Variants in PPTC7 observed in about 807,000 individuals in gnomAD.
PPTC7 encodes protein phosphatase targeting COQ7.
Under a neutral mutation model 30.8 loss-of-function variants are expected in PPTC7, and 6 were observed. The observed-to-expected ratio is 0.19, with a 90% CI of 0.11 to 0.38. The LOEUF is 0.38. PPTC7 is among the 10% of genes least tolerant of loss of function. The pLI, the probability that PPTC7 is intolerant of heterozygous loss-of-function variation, is 1.00. For synonymous variants in PPTC7, 163 were observed against 168.1 expected, an observed-to-expected ratio of 0.97 and a Z score of 0.23; for missense variants, 218 against 404.8, an observed-to-expected ratio of 0.54 and a Z score of 3.96.
intron 1 of PPTC7, among the ~76,000 whole-genome samples, chr12:110,563,687 C>T (rs1056954447): frequency 2.0e-5 from 3 of 151,788 alleles, no homozygotes; most frequent in Admixed American, 6.6e-5. Flanking sequence ...CTGTAGTAAG[C>T]GGTTCATTTT....
At chr12:110,543,491 CT>C (rs1176398811) in intron 3 of PPTC7, among the ~76,000 whole-genome samples, 12 of 151,620 alleles carry the variant, frequency 7.9e-5, no homozygotes, top group Admixed American at 1.3e-4. Context: ...TCAATTCTTT[CT>C]GTGGAATAAA....
chr12:110,582,687 G>A (rs1207042426), intron 1 of PPTC7, 122 bp downstream of exon 1: 4 of 804,198 alleles, frequency 5.0e-6, no homozygotes, highest in Non-Finnish European at 7.5e-6. Flanking sequence ...CATAGTAAGC[G>A]CTCCCTCCAT....
At chr12:110,553,344 A>G (rs957307871) in intron 1 of PPTC7, among the ~76,000 whole-genome samples, 1 of 151,656 alleles carries the variant, frequency 6.6e-6, no homozygotes, top group Non-Finnish European at 1.5e-5. Context: ...GAAGGGGTTC[A>G]CCGTGTTAGC....
In PPTC7 at chr12:110,582,972, C is replaced by A. The variant is rs1309188446; in HGVS notation, c.60G>T (p.Ser20=). ...LVARAVLGGL[S]QTDPRAGGGG... is the part of the protein sequence containing the mutation. ...CGCCGCCGGCCCTGGGGTCGGTCTG[C>A]GAGAGGCCGCCGAGCACGGCGCGGG... Residue 20 remains serine (S), a synonymous_variant, in exon 1 of 6, where the codon TCG becomes TCT. Coordinates refer to ENST00000354300, the MANE Select transcript of PPTC7 (RefSeq NM_139283.2). 8 of 1,530,080 alleles carry A rather than the reference C, an allele frequency of 5.2e-6. No homozygotes were observed. The highest frequency in any genetic ancestry group is 5.0e-5 in the East Asian group (2 of 39,866). 94.8% of individuals were successfully genotyped at this position (1,530,080 alleles called of 1,614,324 possible). A position where few individuals can be genotyped will look rare whatever the true frequency, so the allele number is the denominator to read the frequency against.
chr12:110,562,286 C>CAAAAAAAAAAAAAAAAAAAAA (rs11319526), intron 1 of PPTC7, among the ~76,000 whole-genome samples: 1 of 34,726 alleles, frequency 2.9e-5, no homozygotes, highest in Non-Finnish European at 4.7e-5. Context: ...GACTCCATCT[C>CAAAAAAAAAAAAAAAAAAAAA]AAAAAAAAAA....
At chr12:110,570,225 A>G (rs573768501) in intron 1 of PPTC7, among the ~76,000 whole-genome samples, 90 of 145,622 alleles carry the variant, frequency 6.2e-4, no homozygotes, top group South Asian at 2.3e-3. Flanking sequence ...TGAATGGATT[A>G]AGGGCGGTGC....
chr12:110,577,692 T>C (rs1351625674), intron 1 of PPTC7, among the ~76,000 whole-genome samples: 1 of 144,930 alleles, frequency 6.9e-6, no homozygotes, highest in Non-Finnish European at 1.5e-5. Flanking sequence ...ATGAAATTAT[T>C]TTAATTTCAC....
rs1353229953 is a variant in PPTC7 at position 110,533,678 on chromosome 12, T to C, written c.*3359A>G. Reference sequence around the variant, plus strand: ...TGAATGCTGTAGCTTCTACCAAAGATAGCTGGTATTAAGGTGACCTAAAGA... The same window carrying C: ...TGAATGCTGTAGCTTCTACCAAAGACAGCTGGTATTAAGGTGACCTAAAGA... On this transcript the variant is annotated 3_prime_UTR_variant, in exon 6 of 6. Coordinates refer to ENST00000354300, the MANE Select transcript of PPTC7 (RefSeq NM_139283.2). 3 of 152,244 alleles carry C rather than the reference T, an allele frequency of 2.0e-5. No individual in the cohort carries two copies. The highest frequency in any genetic ancestry group is 6.5e-5 in the Admixed American group (1 of 15,284). 9.4% of individuals were successfully genotyped at this position (152,244 alleles called of 1,614,324 possible). A position where few individuals can be genotyped will look rare whatever the true frequency, so the allele number is the denominator to read the frequency against.
At chr12:110,559,202 A>AT (rs989935471) in intron 1 of PPTC7, among the ~76,000 whole-genome samples, 2 of 151,292 alleles carry the variant, frequency 1.3e-5, no homozygotes, top group Admixed American at 6.6e-5. Flanking sequence ...TTTTTTAAAA[A>AT]TTTTTTTTGT....
At chr12:110,538,038 G>T in intron 5 of PPTC7, 106 bp downstream of exon 5, 1 of 1,225,122 alleles carries the variant, frequency 8.2e-7, no homozygotes, top group Non-Finnish European at 1.1e-6. Context: ...ACAGTTTGGG[G>T]GCTGGGAGAG....
chr12:110,565,512 C>A (rs945443001), intron 1 of PPTC7, among the ~76,000 whole-genome samples: 1 of 152,200 alleles, frequency 6.6e-6, no homozygotes, highest in Non-Finnish European at 1.5e-5. Context: ...GCCTTGGCCT[C>A]CCAAAGTGCT....
intron 1 of PPTC7, among the ~76,000 whole-genome samples, chr12:110,560,617 T>C (rs188437273): frequency 6.6e-6 from 1 of 152,296 alleles, no homozygotes; most frequent in African/African-American, 2.4e-5. Context: ...CCCCTCCTAC[T>C]GCACTCATCT....
chr12:110,565,832 A>G lies in PPTC7; in HGVS notation c.224-13864T>C, dbSNP rs1391238248. ...TTAGGGAGATTCAAGATATATGACT[A>G]TAATAAAGTAAAATATGCACCAATA... On this transcript the variant is annotated intron_variant, in intron 1 of 5. Coordinates refer to ENST00000354300, the MANE Select transcript of PPTC7 (RefSeq NM_139283.2). 3.9e-5 allele frequency among the ~76,000 whole-genome samples: 6 copies of G among 152,338 alleles called. No individual in the cohort carries two copies. The East Asian group carries it at 1.2e-3, about 29-fold the overall frequency.
intron 2 of PPTC7, among the ~76,000 whole-genome samples, chr12:110,547,815 G>A (rs1211099225): frequency 6.6e-6 from 1 of 152,112 alleles, no homozygotes; most frequent in African/African-American, 2.4e-5. Flanking sequence ...CTAACAAAAT[G>A]GAGAATAGTT....
At chr12:110,565,848 T>C (rs2064478911) in intron 1 of PPTC7, among the ~76,000 whole-genome samples, 1 of 152,068 alleles carries the variant, frequency 6.6e-6, no homozygotes, top group South Asian at 2.1e-4. Context: ...AAGTAAAATA[T>C]GCACCAATAA....
rs1051410680 is a variant in PPTC7 at position 110,583,031 on chromosome 12, TCGC to T, written c.-3_-1del. 4 of 1,393,834 alleles carry T rather than the reference TCGC, an allele frequency of 2.9e-6. No individual in the cohort carries two copies. In the African/African-American group the frequency reaches 4.7e-5, roughly 16 times the overall value. The allele number at this position is 1,393,834 out of a possible 1,614,324, so 86.3% of individuals were successfully genotyped here. A position where few individuals can be genotyped will look rare whatever the true frequency, so the allele number is the denominator to read the frequency against. Reference sequence around the variant, plus strand: ...CGCCCGTACGAGAGGACCGAGAACATCGCCGCCGCCGCCCCCCCGAGGAGGCGG... The same window carrying T: ...CGCCCGTACGAGAGGACCGAGAACATCGCCGCCGCCCCCCCGAGGAGGCGG... On this transcript the variant is annotated 5_prime_UTR_variant, in exon 1 of 6. Transcript: ENST00000354300.
chr12:110,546,191 A>C (rs1001210474), intron 2 of PPTC7, 113 bp from the exon 3 acceptor site: 1 of 795,984 alleles, frequency 1.3e-6, no homozygotes, highest in African/African-American at 1.7e-5. Flanking sequence ...TCCTTTGCCT[A>C]AACAGGACCT....
intron 4 of PPTC7, 53 bp downstream of exon 4, chr12:110,539,769 C>T: frequency 6.4e-7 from 1 of 1,568,520 alleles, no homozygotes; most frequent in South Asian, 1.2e-5. Flanking sequence ...CCATAAAACT[C>T]AGCTATCCAG....
chr12:110,544,325 T>C (rs956976294), intron 3 of PPTC7, among the ~76,000 whole-genome samples: 4 of 152,224 alleles, frequency 2.6e-5, no homozygotes, highest in Non-Finnish European at 5.9e-5. Context: ...TAAGAGATGG[T>C]TTAATGAGAG....
Sources: allele counts gnomAD v4.1 joint callset (sites outside exome capture counted in the v4.1 genomes callset), GRCh38; gene constraint gnomAD v4.1.1; transcripts MANE v1.5; gene names NCBI Gene and HGNC (gene_info 2026-07-23, HGNC 2026-07-21).